Variants in CNTN5 observed in about 807,000 individuals in gnomAD.
The protein encoded by CNTN5 is contactin 5.
CNTN5 carries 77 observed loss-of-function variants against 129.1 expected under a neutral mutation model. That is an observed-to-expected ratio of 0.60 (90% CI 0.50 to 0.72). The LOEUF is 0.72. Among genes scored for constraint, CNTN5 ranks in the 30% least tolerant of loss-of-function variants. The pLI is 0.00. For missense variants in CNTN5, 1,478 were observed against 1,328.8 expected (o/e 1.11, Z -1.75); for synonymous variants, 509 against 465.6 (o/e 1.09, Z -1.20).
chr11:99,577,044 C>A (rs911095614), intron 3 of CNTN5, among the ~76,000 whole-genome samples: 1 of 152,098 alleles, frequency 6.6e-6, no homozygotes, highest in African/African-American at 2.4e-5. Context: ...TTATGAATTT[C>A]TTTTATTAAT....
intron 2 of CNTN5, among the ~76,000 whole-genome samples, chr11:99,457,334 G>T (rs1398000517): frequency 6.6e-6 from 1 of 151,906 alleles, no homozygotes; most frequent in Admixed American, 6.6e-5. Context: ...TCAGGGGACA[G>T]AAATAGATAT....
At chr11:99,972,882 A>G (rs1461161263) in intron 8 of CNTN5, among the ~76,000 whole-genome samples, 1 of 152,174 alleles carries the variant, frequency 6.6e-6, no homozygotes, top group East Asian at 1.9e-4. Context: ...ACTCCCAGAT[A>G]TTTCACATAT....
chr11:99,542,241 G>T (rs1376885061), intron 2 of CNTN5, among the ~76,000 whole-genome samples: 1 of 151,978 alleles, frequency 6.6e-6, no homozygotes, highest in East Asian at 1.9e-4. Flanking sequence ...TCACCCTACT[G>T]TGTGATAGGA....
At chr11:100,048,466 C>T (rs544908284) in intron 9 of CNTN5, among the ~76,000 whole-genome samples, 29 of 152,126 alleles carry the variant, frequency 1.9e-4, no homozygotes, top group African/African-American at 6.5e-4. Flanking sequence ...CTTGTTGATT[C>T]TGTTTCCCTG....
At chr11:100,028,945 T>A (rs1167054600) in intron 9 of CNTN5, among the ~76,000 whole-genome samples, 2 of 152,206 alleles carry the variant, frequency 1.3e-5, no homozygotes, top group African/African-American at 4.8e-5. Flanking sequence ...CTGCTGTTAA[T>A]ACTTAAAATA....
At chr11:100,141,113 A>T (rs115811885) in intron 13 of CNTN5, among the ~76,000 whole-genome samples, 1,537 of 152,188 alleles carry the variant, frequency 0.01, 29 homozygotes, top group African/African-American at 0.035. Context: ...CTGAAGCTTC[A>T]TTTCCATAGG....
chr11:99,695,916 G>C (rs1954249451), intron 3 of CNTN5, among the ~76,000 whole-genome samples: 1 of 151,830 alleles, frequency 6.6e-6, no homozygotes, highest in Admixed American at 6.6e-5. Flanking sequence ...GTTGTTAGGA[G>C]GATTAAATGA....
Position 99,136,651 on chromosome 11 carries a change from T to A in CNTN5, c.-210+115381T>A, listed in dbSNP as rs573550370. The stretch of plus-strand genomic sequence containing the variant: ...TGAAATATGCTTTTATGTACACACA[T>A]CTCCTTCTCCTGAAGCTGCAGCTTA... On this transcript the variant is annotated intron_variant, in intron 1 of 24. Coordinates refer to ENST00000524871, the MANE Select transcript of CNTN5 (RefSeq NM_014361.4). Among the ~76,000 whole-genome samples, 3 of 152,162 alleles carry A rather than the reference T, an allele frequency of 2.0e-5. No homozygotes were observed. In the South Asian group the frequency reaches 6.2e-4, roughly 32 times the overall value.
intron 15 of CNTN5, among the ~76,000 whole-genome samples, chr11:100,194,862 A>T (rs1389012488): frequency 1.3e-5 from 2 of 151,996 alleles, no homozygotes; most frequent in African/African-American, 4.8e-5. Flanking sequence ...AAATTAGCCC[A>T]CTTTCTTCAA....
chr11:99,989,901 G>A (rs953861369), intron 8 of CNTN5, among the ~76,000 whole-genome samples: 2 of 152,080 alleles, frequency 1.3e-5, no homozygotes, highest in Non-Finnish European at 2.9e-5. Context: ...GAGTAGCTGG[G>A]ACTACAGGTG....
intron 3 of CNTN5, among the ~76,000 whole-genome samples, chr11:99,727,292 G>A (rs1350481885): frequency 3.4e-5 from 2 of 59,274 alleles, no homozygotes; most frequent in African/African-American, 1.2e-4. Flanking sequence ...CGGCCTGGGC[G>A]ACAGAGCGAG....
intron 2 of CNTN5, among the ~76,000 whole-genome samples, chr11:99,516,955 G>T (rs1159316030): frequency 6.6e-6 from 1 of 152,082 alleles, no homozygotes; most frequent in Non-Finnish European, 1.5e-5. Context: ...CACTAATTGT[G>T]ATTGACATGA....
chr11:99,570,466 C>G (rs1164216294), intron 3 of CNTN5, among the ~76,000 whole-genome samples: 1 of 152,070 alleles, frequency 6.6e-6, no homozygotes, highest in Non-Finnish European at 1.5e-5. Context: ...TATACTTTGT[C>G]AAAGATATTG....
chr11:99,235,197 G>A (rs1220452910), intron 1 of CNTN5, among the ~76,000 whole-genome samples: 3 of 151,872 alleles, frequency 2.0e-5, no homozygotes, highest in Non-Finnish European at 4.4e-5. Context: ...GGGAGATTAG[G>A]AAGCTGAAGA....
chr11:99,480,059 G>A (rs1414848533), intron 2 of CNTN5, among the ~76,000 whole-genome samples: 8 of 152,224 alleles, frequency 5.3e-5, no homozygotes, highest in African/African-American at 1.9e-4. Flanking sequence ...GGCATTTAAG[G>A]TTGTTGCTAT....
At chr11:100,254,742 G>C (rs2138722837) in intron 16 of CNTN5, among the ~76,000 whole-genome samples, 1 of 152,106 alleles carries the variant, frequency 6.6e-6, no homozygotes, top group South Asian at 2.1e-4. Context: ...CATTTCTTAG[G>C]GTTTAGCTCA....
intron 1 of CNTN5, among the ~76,000 whole-genome samples, chr11:99,274,309 T>A (rs1266509283): frequency 1.3e-5 from 2 of 151,720 alleles, no homozygotes; most frequent in South Asian, 4.1e-4. Flanking sequence ...ACAGGCTAAA[T>A]TTTTTTGACT....
chr11:99,494,059 A>G (rs1043892568), intron 2 of CNTN5, among the ~76,000 whole-genome samples: 1 of 152,230 alleles, frequency 6.6e-6, no homozygotes, highest in African/African-American at 2.4e-5. Flanking sequence ...TTTCCTGAGA[A>G]TTAAAATCTA....
intron 18 of CNTN5, among the ~76,000 whole-genome samples, chr11:100,287,645 GC>G (rs1950828819): frequency 1.3e-5 from 2 of 151,898 alleles, no homozygotes; most frequent in Admixed American, 1.3e-4. Flanking sequence ...ACCAGCCGCT[GC>G]AAAATCATGC....
Sources: gnomAD v4.1 joint callset for allele counts (sites outside exome capture counted in the v4.1 genomes callset) on GRCh38, gnomAD v4.1.1 for gene constraint, MANE v1.5 for transcripts, NCBI Gene and HGNC (gene_info 2026-07-23, HGNC 2026-07-21) for gene names.